The following RBMS3 variants were observed in gnomAD, a reference collection of about 807,000 sequenced individuals.
The protein encoded by RBMS3 is RNA binding motif single stranded interacting protein 3.
Under a neutral mutation model 66.8 loss-of-function variants are expected in RBMS3, and 27 were observed. That is an observed-to-expected ratio of 0.40 (90% CI 0.30 to 0.56). RBMS3 has a LOEUF of 0.56. Among genes scored for constraint, RBMS3 ranks in the 20% least tolerant of loss-of-function variants. The pLI is 0.40. For missense variants in RBMS3, 513 were observed against 549.5 expected (o/e 0.93, Z 0.66); for synonymous variants, 188 against 183.0 (o/e 1.03, Z -0.22).
At chr3:29,656,421 A>G (rs115674019) in intron 4 of RBMS3, among the ~76,000 whole-genome samples, 323 of 152,348 alleles carry the variant, frequency 2.1e-3, no homozygotes, top group African/African-American at 7.4e-3. Context: ...CCTAGAAGCA[A>G]TAAGCAACAC....
At chr3:29,945,602 A>G (rs184065282) in intron 12 of RBMS3, among the ~76,000 whole-genome samples, 1 of 151,884 alleles carries the variant, frequency 6.6e-6, no homozygotes, top group Non-Finnish European at 1.5e-5. Context: ...TTAACAAGAT[A>G]CATCTACTCT....
rs566476187 is a variant in RBMS3, at chr3:29,995,796, C to A, written c.1307+4587C>A. Among the ~76,000 whole-genome samples the A allele has an allele frequency of 2.1e-3, 316 of 152,266 alleles. 4 individuals carry two copies. Among genetic ancestry groups the A allele is most frequent in the African/African-American group, 6.9e-3 (286 of 41,536 alleles). On this transcript the variant is annotated intron_variant, in intron 14 of 14. Transcript: ENST00000383767. ...TAAACATGGAAAGGAACAACCGGTA[C>A]CAGCCACTGCAAAATCATGCCAAAA... is the stretch of plus-strand genomic sequence containing the variant.
At chr3:29,819,229 C>T (rs2058007500) in intron 6 of RBMS3, among the ~76,000 whole-genome samples, 1 of 152,148 alleles carries the variant, frequency 6.6e-6, no homozygotes, top group Non-Finnish European at 1.5e-5. Flanking sequence ...CCGTGTATTA[C>T]AGAAGTCTGC....
At chr3:29,782,188 C>G (rs1223929149) in intron 6 of RBMS3, among the ~76,000 whole-genome samples, 2 of 152,120 alleles carry the variant, frequency 1.3e-5, no homozygotes, top group Non-Finnish European at 2.9e-5. Context: ...CTGACGCGCT[C>G]TTGAAAGCTC....
chr3:29,918,824 G>C (rs981276927), intron 10 of RBMS3, among the ~76,000 whole-genome samples: 1 of 151,898 alleles, frequency 6.6e-6, no homozygotes, highest in Non-Finnish European at 1.5e-5. Context: ...TTTTTAAGAT[G>C]AGACTTTTTT....
chr3:29,897,598 T>C lies in RBMS3; in HGVS notation c.888+123T>C. 6.1e-6 allele frequency: 5 copies of C among 816,276 alleles called. No individual in the cohort carries two copies. In the South Asian group the frequency reaches 7.6e-5, roughly 12 times the overall value. The allele number at this position is 816,276 out of a possible 1,614,324, so 50.6% of individuals were successfully genotyped here. ...CTCATACACTTTAATCACATCTTAA[T>C]GTAATAATACTCAAGTTATGAGTTA... On this transcript the variant is annotated intron_variant, in intron 9 of 14. Transcript: ENST00000383767.
intron 4 of RBMS3, among the ~76,000 whole-genome samples, chr3:29,640,399 G>A (rs536958828): frequency 3.3e-5 from 5 of 151,814 alleles, no homozygotes; most frequent in African/African-American, 7.2e-5. Context: ...ATTAAGCTTC[G>A]GGGATCATTC....
intron 6 of RBMS3, among the ~76,000 whole-genome samples, chr3:29,844,810 G>T (rs557484621): frequency 6.6e-6 from 1 of 152,326 alleles, no homozygotes; most frequent in East Asian, 1.9e-4. Context: ...TATTGTATCT[G>T]CATTAGTCTA....
At chr3:29,959,230 T>C (rs1240586888) in intron 12 of RBMS3, among the ~76,000 whole-genome samples, 1 of 152,202 alleles carries the variant, frequency 6.6e-6, no homozygotes, top group Non-Finnish European at 1.5e-5. Context: ...TTAGATGAGA[T>C]ATTGGCATAG....
chr3:29,444,281 A>ATAGG (rs1383160370), intron 2 of RBMS3, among the ~76,000 whole-genome samples: 2 of 152,076 alleles, frequency 1.3e-5, no homozygotes, highest in Non-Finnish European at 2.9e-5. Flanking sequence ...TTCCCATTTT[A>ATAGG]TAGGTGAAAA....
At chr3:29,396,713 A>T (rs2039565856) in intron 1 of RBMS3, among the ~76,000 whole-genome samples, 1 of 152,182 alleles carries the variant, frequency 6.6e-6, no homozygotes. Flanking sequence ...TAGGGAAAAG[A>T]TATATTCTTG....
intron 1 of RBMS3, among the ~76,000 whole-genome samples, chr3:29,413,549 GTT>G (rs1185374893): frequency 6.6e-6 from 1 of 152,178 alleles, no homozygotes; most frequent in African/African-American, 2.4e-5. Flanking sequence ...CATAATTCTA[GTT>G]TTATTTAATA....
chr3:29,487,391 C>G (rs1384871153), intron 2 of RBMS3, among the ~76,000 whole-genome samples: 4 of 151,986 alleles, frequency 2.6e-5, no homozygotes, highest in African/African-American at 9.7e-5. Context: ...TAATGAAATC[C>G]CTAACATTTA....
rs189024398 is a variant in RBMS3, at chr3:29,881,279, C to G, written c.745-2883C>G. ...CCTTATCTGATCACCCCCAGCCTCT[C>G]TCATCTGCACCCCATCCATACCACT... On this transcript the variant is annotated intron_variant, in intron 7 of 14. Transcript: ENST00000383767. Among the ~76,000 whole-genome samples the G allele has an allele frequency of 6.7e-4, 102 of 152,224 alleles. 1 individual carries two copies. Among genetic ancestry groups the G allele is most frequent in the Admixed American group, 1.7e-3 (26 of 15,276 alleles).
chr3:29,622,250 G>A (rs1226070184), intron 4 of RBMS3, among the ~76,000 whole-genome samples: 17 of 152,146 alleles, frequency 1.1e-4, no homozygotes, highest in Admixed American at 1.1e-3. Context: ...TGAAGACAGA[G>A]CCTGAAAAAA....
intron 1 of RBMS3, among the ~76,000 whole-genome samples, chr3:29,323,380 T>C (rs991708007): frequency 2.0e-5 from 3 of 152,144 alleles, no homozygotes; most frequent in Admixed American, 2.0e-4. Flanking sequence ...AACAAAGCCG[T>C]AAACTAGGTC....
chr3:29,826,972 G>C (rs1468391128), intron 6 of RBMS3, among the ~76,000 whole-genome samples: 1 of 152,098 alleles, frequency 6.6e-6, no homozygotes, highest in Non-Finnish European at 1.5e-5. Flanking sequence ...TTGTTTGGTT[G>C]TACAAGCCTT....
At chr3:29,752,094 G>T (rs1490183188) in intron 5 of RBMS3, among the ~76,000 whole-genome samples, 1 of 152,178 alleles carries the variant, frequency 6.6e-6, no homozygotes, top group African/African-American at 2.4e-5. Context: ...ACAATTTGGA[G>T]GGTGGTGAAT....
intron 2 of RBMS3, among the ~76,000 whole-genome samples, chr3:29,473,100 A>G (rs1434651122): frequency 6.6e-6 from 1 of 151,832 alleles, no homozygotes; most frequent in Admixed American, 6.6e-5. Context: ...GTGTTTACAA[A>G]CCTTGAGCTA....
Sources: allele counts gnomAD v4.1 joint callset (sites outside exome capture counted in the v4.1 genomes callset), GRCh38; gene constraint gnomAD v4.1.1; transcripts MANE v1.5; gene names NCBI Gene and HGNC (gene_info 2026-07-23, HGNC 2026-07-21).